Variants in NCAM2 observed in about 807,000 individuals in gnomAD.
The protein encoded by NCAM2 is neural cell adhesion molecule 2.
A neutral mutation model predicts 98.1 loss-of-function variants in NCAM2; 30 were observed. That is an observed-to-expected ratio of 0.31 (90% CI 0.23 to 0.41). The LOEUF is 0.41. Among genes scored for constraint, NCAM2 ranks in the 10% least tolerant of loss-of-function variants. The pLI, the probability that NCAM2 is intolerant of heterozygous loss-of-function variation, is 1.00. For missense variants in NCAM2, 867 were observed against 1,005.8 expected (o/e 0.86, Z 1.87); for synonymous variants, 368 against 342.4 (o/e 1.07, Z -0.83).
chr21:21,284,156 A>G (rs370239913), intron 2 of NCAM2, 38 bp from the exon 3 acceptor site: 317 of 1,504,380 alleles, frequency 2.1e-4, no homozygotes, highest in Middle Eastern at 1.2e-3. Flanking sequence ...AATATTTTTA[A>G]CAATTTTCAA....
At chr21:21,517,600 G>A (rs925732068) in intron 16 of NCAM2, among the ~76,000 whole-genome samples, 10 of 152,224 alleles carry the variant, frequency 6.6e-5, no homozygotes, top group Non-Finnish European at 1.2e-4. Flanking sequence ...GCTCACCCCC[G>A]TAATCCCAGC....
At chr21:21,522,017 A>G (rs917857280) in intron 16 of NCAM2, among the ~76,000 whole-genome samples, 1 of 148,842 alleles carries the variant, frequency 6.7e-6, no homozygotes, top group Non-Finnish European at 1.5e-5. Flanking sequence ...CAATATATAA[A>G]TATAGATATA....
At chr21:21,294,771 T>C (rs1055221942) in intron 5 of NCAM2, among the ~76,000 whole-genome samples, 9 of 151,766 alleles carry the variant, frequency 5.9e-5, no homozygotes, top group Non-Finnish European at 8.8e-5. Context: ...TCCAGTCTTA[T>C]TGACTTTCAC....
chr21:21,218,337 A>G (rs370780441), intron 1 of NCAM2, among the ~76,000 whole-genome samples: 3 of 152,146 alleles, frequency 2.0e-5, no homozygotes, highest in Non-Finnish European at 2.9e-5. Context: ...TTTGTGACCA[A>G]GTATACTCTC....
In NCAM2 at chr21:21,005,325, T is replaced by C. The variant is rs115661888; in HGVS notation, c.55+6707T>C. Among the ~76,000 whole-genome samples, 1,078 of 152,238 alleles carry C rather than the reference T, an allele frequency of 7.1e-3. 8 individuals are homozygous for C. Among genetic ancestry groups the C allele is most frequent in the African/African-American group, 0.024 (985 of 41,524 alleles). On this transcript the variant is annotated intron_variant, in intron 1 of 17. Transcript: ENST00000400546. ...GACTTAATAGGATCTTAGTAACAAA[T>C]ACAAATTGAGAAATTGGTAGGAACG...
intron 11 of NCAM2, among the ~76,000 whole-genome samples, chr21:21,430,121 T>C (rs756761673): frequency 6.6e-6 from 1 of 151,992 alleles, no homozygotes; most frequent in Non-Finnish European, 1.5e-5. Flanking sequence ...TTCTACCTCC[T>C]GGGTTCAACC....
intron 17 of NCAM2, among the ~76,000 whole-genome samples, chr21:21,535,383 A>G (rs1408741594): frequency 6.6e-6 from 1 of 152,084 alleles, no homozygotes; most frequent in East Asian, 1.9e-4. Context: ...TGTGCACCAA[A>G]AAAACTTTTT....
intron 1 of NCAM2, 103 bp downstream of exon 1, chr21:20,998,721 G>A: frequency 9.0e-7 from 1 of 1,105,368 alleles, no homozygotes. Context: ...AAGAACTAAA[G>A]TTACAGTTAT....
chr21:21,349,501 G>A (rs1167867189), intron 8 of NCAM2, among the ~76,000 whole-genome samples: 1 of 152,052 alleles, frequency 6.6e-6, no homozygotes, highest in Non-Finnish European at 1.5e-5. Context: ...TAGTAAAATA[G>A]CAATGGAGAA....
At chr21:21,163,377 C>G (rs2067849869) in intron 1 of NCAM2, among the ~76,000 whole-genome samples, 1 of 152,122 alleles carries the variant, frequency 6.6e-6, no homozygotes, top group South Asian at 2.1e-4. Flanking sequence ...CCAGTATTAT[C>G]CAGAGTACAG....
intron 1 of NCAM2, among the ~76,000 whole-genome samples, chr21:21,019,784 A>G (rs2064390697): frequency 6.6e-6 from 1 of 152,160 alleles, no homozygotes; most frequent in Non-Finnish European, 1.5e-5. Flanking sequence ...CTGCCACTGA[A>G]TACATTCTAT....
intron 12 of NCAM2, among the ~76,000 whole-genome samples, chr21:21,461,939 G>T (rs1569088538): frequency 6.6e-6 from 1 of 152,038 alleles, no homozygotes. Flanking sequence ...TGTTCTGCGT[G>T]TGTATAGAAA....
chr21:21,373,396 A>G (rs1468648890), intron 8 of NCAM2, among the ~76,000 whole-genome samples: 1 of 151,912 alleles, frequency 6.6e-6, no homozygotes, highest in African/African-American at 2.4e-5. Context: ...AGAAAGTAGG[A>G]TGTTGCCATG....
chr21:21,392,021 T>C lies in NCAM2; in HGVS notation c.1195+18008T>C, dbSNP rs2076392219. Among the ~76,000 whole-genome samples the C allele has an allele frequency of 2.6e-5, 4 of 152,190 alleles. No homozygotes were observed. The South Asian group carries it at 8.3e-4, about 31-fold the overall frequency. On this transcript the variant is annotated intron_variant, in intron 9 of 17. Transcript: ENST00000400546. ...ACCTGAGTCAGAGGGTTTGTGTGTC[T>C]GTGTGTGTACAGATTATTTCATCAC...
intron 1 of NCAM2, among the ~76,000 whole-genome samples, chr21:21,260,163 T>A (rs2071839007): frequency 6.6e-6 from 1 of 151,516 alleles, no homozygotes; most frequent in Non-Finnish European, 1.5e-5. Context: ...AAAAATAGAA[T>A]TAAAAAGAAC....
intron 16 of NCAM2, among the ~76,000 whole-genome samples, chr21:21,523,196 G>A (rs950076749): frequency 1.3e-5 from 2 of 151,918 alleles, no homozygotes; most frequent in Non-Finnish European, 1.5e-5. Context: ...AGCTTGATGC[G>A]ATCCCATCTG....
At chr21:21,300,119 A>G (rs1347872972) in intron 5 of NCAM2, among the ~76,000 whole-genome samples, 1 of 151,522 alleles carries the variant, frequency 6.6e-6, no homozygotes, top group Non-Finnish European at 1.5e-5. Context: ...GAACCTGGGG[A>G]TACAGAGGGC....
intron 1 of NCAM2, among the ~76,000 whole-genome samples, chr21:21,181,777 T>A (rs1222641875): frequency 6.6e-6 from 1 of 152,006 alleles, no homozygotes; most frequent in African/African-American, 2.4e-5. Context: ...TCTTCCTTCG[T>A]TTTTTTTCCT....
chr21:21,237,785 A>G (rs2070892289), intron 1 of NCAM2, among the ~76,000 whole-genome samples: 1 of 152,080 alleles, frequency 6.6e-6, no homozygotes, highest in Non-Finnish European at 1.5e-5. Context: ...ATTATATAGT[A>G]TAGTTATGGT....
Sources: gnomAD v4.1 joint callset for allele counts (sites outside exome capture counted in the v4.1 genomes callset) on GRCh38, gnomAD v4.1.1 for gene constraint, MANE v1.5 for transcripts, NCBI Gene and HGNC (gene_info 2026-07-23, HGNC 2026-07-21) for gene names.